The following SFXN5 variants were observed in gnomAD, a reference collection of about 807,000 sequenced individuals.
The protein encoded by SFXN5 is sideroflexin 5, also known as sideroflexin-5.
Under a neutral mutation model 50.2 loss-of-function variants are expected in SFXN5, and 43 were observed. The observed-to-expected ratio is 0.86, with a 90% CI of 0.67 to 1.11. The LOEUF (loss-of-function observed/expected upper bound fraction) is 1.11, where lower values mean the gene tolerates loss of function less well. SFXN5 is among the 50% of genes least tolerant of loss of function. The probability of loss-of-function intolerance (pLI) is 0.00; values close to 1 mark genes in which losing one functional copy is unlikely to be tolerated. For missense variants in SFXN5, 463 were observed against 454.1 expected (o/e 1.02, Z -0.18); for synonymous variants, 203 against 185.8 (o/e 1.09, Z -0.75).
At chr2:73,033,765 G>A (rs1678603602) in intron 3 of SFXN5, among the ~76,000 whole-genome samples, 1 of 152,198 alleles carries the variant, frequency 6.6e-6, no homozygotes, top group African/African-American at 2.4e-5. Flanking sequence ...AAGTGCAAAA[G>A]AGGAACACTA....
intron 1 of SFXN5, chr2:73,059,068 C>G (rs1007135399): frequency 1.0e-6 from 1 of 994,314 alleles, no homozygotes; most frequent in Non-Finnish European, 1.2e-6. Flanking sequence ...CCAAGGGCAG[C>G]TCAAGCCTAA....
chr2:73,004,315 G>GCACACACA lies in SFXN5; in HGVS notation c.358-2745_358-2738dup, dbSNP rs59114781. 6.7e-3 allele frequency among the ~76,000 whole-genome samples: 771 copies of GCACACACA among 115,650 alleles called. 11 individuals carry two copies. Among genetic ancestry groups the GCACACACA allele is most frequent in the African/African-American group, 0.017 (634 of 36,580 alleles). 75.9% of individuals were successfully genotyped at this position (115,650 alleles called of 152,430 possible). A position where few individuals can be genotyped will look rare whatever the true frequency, so the allele number is the denominator to read the frequency against. On this transcript the variant is annotated intron_variant, in intron 6 of 13. Transcript: ENST00000272433. The stretch of plus-strand genomic sequence containing the variant: ...CCAGAGGAGAGGAATGAGTGCGCGC[G>GCACACACA]CACACACACACACACACACACACAC...
intron 1 of SFXN5, among the ~76,000 whole-genome samples, chr2:73,062,951 T>A (rs1409582126): frequency 1.3e-5 from 2 of 152,178 alleles, no homozygotes; most frequent in African/African-American, 4.8e-5. Flanking sequence ...CATTCATCAT[T>A]CAACCCACTA....
intron 13 of SFXN5, among the ~76,000 whole-genome samples, chr2:72,947,874 G>A (rs1012711933): frequency 1.5e-4 from 13 of 85,320 alleles, no homozygotes; most frequent in East Asian, 3.7e-4. Flanking sequence ...TCGTCCCCAC[G>A]CTGCCACTGA....
At position 72,942,791 on chromosome 2, in the gene SFXN5, A is replaced by G. The variant is rs1671559787; in HGVS notation, c.*2231T>C. On this transcript the variant is annotated 3_prime_UTR_variant, in exon 14 of 14. Coordinates refer to ENST00000272433, the MANE Select transcript of SFXN5 (RefSeq NM_144579.3). ...GGAAATCATCCGGGAGACAAAGCAA[A>G]TGAGTTATGAGATGCTGAGGCCACA... 7.1e-6 allele frequency: 1 copy of G among 141,830 alleles called. No individual in the cohort carries two copies. The highest frequency in any genetic ancestry group is 6.9e-5 in the Admixed American group (1 of 14,442). 8.8% of individuals were successfully genotyped at this position (141,830 alleles called of 1,614,324 possible). A position where few individuals can be genotyped will look rare whatever the true frequency, so the allele number is the denominator to read the frequency against.
chr2:72,989,490 T>C (rs1672313832), intron 9 of SFXN5, among the ~76,000 whole-genome samples: 1 of 152,112 alleles, frequency 6.6e-6, no homozygotes, highest in African/African-American at 2.4e-5. Flanking sequence ...TAAATGAAGC[T>C]ATATAATCAT....
chr2:73,057,638 G>C (rs756070077), intron 2 of SFXN5, among the ~76,000 whole-genome samples: 10 of 152,198 alleles, frequency 6.6e-5, no homozygotes, highest in Non-Finnish European at 1.2e-4. Flanking sequence ...TTCACATCTT[G>C]ATTGCCCATA....
At chr2:73,045,348 G>A (rs1680183741) in intron 2 of SFXN5, among the ~76,000 whole-genome samples, 1 of 152,082 alleles carries the variant, frequency 6.6e-6, no homozygotes, top group Non-Finnish European at 1.5e-5. Context: ...CCCCAGAACT[G>A]ATGGCCTCTG....
At chr2:72,946,425 T>A (rs1671936140) in intron 13 of SFXN5, among the ~76,000 whole-genome samples, 1 of 152,074 alleles carries the variant, frequency 6.6e-6, no homozygotes, top group Non-Finnish European at 1.5e-5. Flanking sequence ...ACCCCCCACT[T>A]CACGACACCC....
chr2:73,013,153 C>T (rs1233156102), intron 6 of SFXN5, among the ~76,000 whole-genome samples: 1 of 152,034 alleles, frequency 6.6e-6, no homozygotes, highest in East Asian at 1.9e-4. Flanking sequence ...CGAATGGGTT[C>T]CATTTCTCAT....
chr2:72,953,082 C>T lies in SFXN5; in HGVS notation c.946-7983G>A, dbSNP rs1354233449. Among the ~76,000 whole-genome samples the T allele has an allele frequency of 2.0e-5, 3 of 152,146 alleles. No homozygotes were observed. The highest frequency in any genetic ancestry group is 4.4e-5 in the Non-Finnish European group (3 of 68,030). On this transcript the variant is annotated intron_variant, in intron 13 of 13. Coordinates refer to ENST00000272433, the MANE Select transcript of SFXN5 (RefSeq NM_144579.3). This position sits in a 1 kb window ranked among gnomAD's most constrained non-coding sequence, Gnocchi z 4.1. ...ACCCGGGCATGTGTACATGTTCTTG[C>T]GTGCACGTGTATGTGTGCGAGCCTG...
At chr2:73,057,704 C>A (rs1008495491) in intron 2 of SFXN5, among the ~76,000 whole-genome samples, 15 of 152,160 alleles carry the variant, frequency 9.9e-5, no homozygotes, top group African/African-American at 3.4e-4. Flanking sequence ...ACCCCATAAT[C>A]CCCACATGTT....
chr2:72,949,831 T>C (rs1395728467), intron 13 of SFXN5, among the ~76,000 whole-genome samples: 1 of 148,020 alleles, frequency 6.8e-6, no homozygotes, highest in Non-Finnish European at 1.5e-5. Context: ...GAGAGGGAGG[T>C]GTTGAGGATG....
chr2:73,003,554 A>G (rs1395627387), intron 6 of SFXN5, among the ~76,000 whole-genome samples: 1 of 152,180 alleles, frequency 6.6e-6, no homozygotes, highest in Non-Finnish European at 1.5e-5. Flanking sequence ...GAGCCATTCA[A>G]CTGAGTCTCT....
chr2:72,959,159 G>A (rs930656539), intron 13 of SFXN5, among the ~76,000 whole-genome samples: 10 of 152,250 alleles, frequency 6.6e-5, no homozygotes, highest in South Asian at 2.1e-4. Flanking sequence ...ATTCAGAAGC[G>A]CCGCTTTCTG....
At chr2:72,993,407 C>A (rs1006477426) in intron 9 of SFXN5, among the ~76,000 whole-genome samples, 1 of 152,210 alleles carries the variant, frequency 6.6e-6, no homozygotes, top group South Asian at 2.1e-4. Flanking sequence ...GAGCTCTGCA[C>A]AGGCTAAAAC....
intron 10 of SFXN5, among the ~76,000 whole-genome samples, chr2:72,974,149 A>G (rs1390848312): frequency 6.6e-6 from 1 of 152,174 alleles, no homozygotes; most frequent in Non-Finnish European, 1.5e-5. Flanking sequence ...CTCACACAAA[A>G]TGTCAGCCTC....
intron 13 of SFXN5, among the ~76,000 whole-genome samples, chr2:72,952,055 T>C (rs972452167): frequency 2.0e-5 from 3 of 152,224 alleles, no homozygotes; most frequent in African/African-American, 7.2e-5. Flanking sequence ...TGGGGAGCAG[T>C]TGAGGCCTAA....
chr2:72,985,408 G>A lies in SFXN5; in HGVS notation c.625+2850C>T, dbSNP rs1334063269. On this transcript the variant is annotated intron_variant, in intron 10 of 13. Coordinates refer to ENST00000272433, the MANE Select transcript of SFXN5 (RefSeq NM_144579.3). ...GAGAGGCCAAGTACAGGGACTGGAC[G>A]GTGGCCTGAGAGGACCAGGGGGCTT... 2.6e-5 allele frequency among the ~76,000 whole-genome samples: 4 copies of A among 152,134 alleles called. 1 individual carries two copies. The East Asian group carries it at 5.8e-4, about 22-fold the overall frequency.
Sources: allele counts gnomAD v4.1 joint callset (sites outside exome capture counted in the v4.1 genomes callset), GRCh38; gene constraint gnomAD v4.1.1; non-coding constraint Gnocchi (gnomAD v3.1); transcripts MANE v1.5; gene names NCBI Gene and HGNC (gene_info 2026-07-23, HGNC 2026-07-21).